The following MLKL variants were observed in gnomAD, a reference collection of about 807,000 sequenced individuals.
MLKL encodes mixed lineage kinase domain like pseudokinase.
In MLKL, 55 loss-of-function variants were observed where a neutral mutation model predicts 56.5. That is an observed-to-expected ratio of 0.97 (90% CI 0.78 to 1.22). The LOEUF (loss-of-function observed/expected upper bound fraction) is 1.22, where lower values mean the gene tolerates loss of function less well. Ranked by LOEUF, MLKL falls within the 50% of genes most tolerant of loss-of-function variation. MLKL has a pLI of 0.00. For synonymous variants in MLKL, 251 were observed against 208.3 expected, an observed-to-expected ratio of 1.20 and a Z score of -1.76; for missense variants, 694 against 573.9, an observed-to-expected ratio of 1.21 and a Z score of -2.14.
At chr16:74,686,216 C>A (rs943227048) in intron 4 of MLKL, among the ~76,000 whole-genome samples, 1 of 152,166 alleles carries the variant, frequency 6.6e-6, no homozygotes, top group African/African-American at 2.4e-5. Context: ...CCTGCCTACG[C>A]CTCCCAAAGT....
chr16:74,676,005 G>A, intron 7 of MLKL: 5 of 501,504 alleles, frequency 1.0e-5, no homozygotes, highest in South Asian at 2.9e-5. Flanking sequence ...GGCGATGACA[G>A]GGGGGATTAC....
Position 74,685,441 on chromosome 16 carries a change from T to C in MLKL, c.820+45A>G, listed in dbSNP as rs867796118. On this transcript the variant is annotated intron_variant, in intron 5 of 10. Transcript: ENST00000308807. ...AACACATTAAAACACAGGAGGTGTG[T>C]TCTAGGCCATCCAAAGCTTGACCAA... 2.2e-5 allele frequency: 32 copies of C among 1,444,176 alleles called. No individual in the cohort carries two copies. The Middle Eastern group carries it at 5.2e-4, about 23-fold the overall frequency. 89.5% of individuals were successfully genotyped at this position (1,444,176 alleles called of 1,614,324 possible). A position where few individuals can be genotyped will look rare whatever the true frequency, so the allele number is the denominator to read the frequency against.
chr16:74,695,198 C>A (rs1286270361), intron 2 of MLKL, 100 bp downstream of exon 2: 2 of 1,289,042 alleles, frequency 1.6e-6, no homozygotes, highest in Non-Finnish European at 1.1e-6. Context: ...AAGTATATTA[C>A]AACTGCTCAA....
intron 6 of MLKL, among the ~76,000 whole-genome samples, chr16:74,681,952 T>C (rs1436598857): frequency 6.6e-6 from 1 of 152,100 alleles, no homozygotes; most frequent in East Asian, 1.9e-4. Flanking sequence ...TAAATGTTTA[T>C]CCAAAATTTG....
At position 74,681,393 on chromosome 16, in the gene MLKL, T is replaced by A. The variant is rs79701692; in HGVS notation, c.956+1258A>T. Reference sequence around the variant, plus strand: ...GTTAAGTAAATAACACTGGTAGTAGTATAGTTAAAACCCTGCAGATGGTTT... The same window carrying A: ...GTTAAGTAAATAACACTGGTAGTAGAATAGTTAAAACCCTGCAGATGGTTT... On this transcript the variant is annotated intron_variant, in intron 6 of 10. Transcript: ENST00000308807. Among the ~76,000 whole-genome samples, 9 of 152,166 alleles carry A rather than the reference T, an allele frequency of 5.9e-5. No individual in the cohort carries two copies. The South Asian group carries it at 1.7e-3, about 28-fold the overall frequency.
At chr16:74,681,512 G>A (rs549183443) in intron 6 of MLKL, among the ~76,000 whole-genome samples, 2 of 152,010 alleles carry the variant, frequency 1.3e-5, no homozygotes, top group East Asian at 3.9e-4. Flanking sequence ...CACAAGACAC[G>A]GCCGGGCGCG....
intron 2 of MLKL, among the ~76,000 whole-genome samples, chr16:74,693,562 G>C (rs1960821907): frequency 6.6e-6 from 1 of 150,670 alleles, no homozygotes; most frequent in South Asian, 2.1e-4. Flanking sequence ...GAATATACTT[G>C]ATGCCACTGA....
At chr16:74,685,957 T>C (rs1164231585) in intron 4 of MLKL, among the ~76,000 whole-genome samples, 1 of 151,542 alleles carries the variant, frequency 6.6e-6, no homozygotes, top group Non-Finnish European at 1.5e-5. Context: ...GATTGTGGTG[T>C]GTGTCTTTTT....
At chr16:74,700,280 C>T (rs1025244789) in intron 1 of MLKL, among the ~76,000 whole-genome samples, 173 bp downstream of exon 1, 1 of 151,894 alleles carries the variant, frequency 6.6e-6, no homozygotes, top group Non-Finnish European at 1.5e-5. Flanking sequence ...GAAGGTAGTG[C>T]GAGATCCGAG....
At position 74,673,066 on chromosome 16, in the gene MLKL, C is replaced by T. The variant is rs542422143; in HGVS notation, c.1382-528G>A. ...GGAGAGGAGAGATGACAGATGAGAC[C>T]CTCTCAGGTAGTGTGAGAGGTTTTC... is the stretch of plus-strand genomic sequence containing the variant. On this transcript the variant is annotated intron_variant, in intron 10 of 10. Coordinates refer to ENST00000308807, the MANE Select transcript of MLKL (RefSeq NM_152649.4). 1.2e-4 allele frequency among the ~76,000 whole-genome samples: 19 copies of T among 152,224 alleles called. No homozygotes were observed. The South Asian group carries it at 3.5e-3, about 28-fold the overall frequency.
rs137960819 is a variant in MLKL at position 74,694,935 on chromosome 16, C to T, written c.460+363G>A. ...TCGCCCAGGCTGGAGTGCAGTGGCG[C>T]GATCTCAGCTCACTGCAAGCTCTGC... On this transcript the variant is annotated intron_variant, in intron 2 of 10. Transcript: ENST00000308807. 1.0e-3 allele frequency among the ~76,000 whole-genome samples: 155 copies of T among 152,228 alleles called. 1 individual carries two copies. Among genetic ancestry groups the T allele is most frequent in the Admixed American group, 8.2e-3 (125 of 15,282 alleles).
rs1448240299 is a variant in MLKL at position 74,691,202 on chromosome 16, A to G, written c.722+75T>C. The G allele has an allele frequency of 8.6e-6, 12 of 1,391,336 alleles. No individual in the cohort carries two copies. In the African/African-American group the frequency reaches 1.5e-4, roughly 17 times the overall value. 86.2% of individuals were successfully genotyped at this position (1,391,336 alleles called of 1,614,324 possible). ...CCCAGGCTTCCTCATCTAAAAATGG[A>G]GACGATATCCCTCTCTCCTTGGAGA... On this transcript the variant is annotated intron_variant, in intron 4 of 10. Coordinates refer to ENST00000308807, the MANE Select transcript of MLKL (RefSeq NM_152649.4).
chr16:74,683,477 T>C lies in MLKL; in HGVS notation c.821-691A>G, dbSNP rs913707641. ...CAGGTGTGGTGGGACATGCCTGTAG[T>C]CCCAGCTATTAGGGAGGCTGAGGCA... On this transcript the variant is annotated intron_variant, in intron 5 of 10. Coordinates refer to ENST00000308807, the MANE Select transcript of MLKL (RefSeq NM_152649.4). 2.7e-4 allele frequency among the ~76,000 whole-genome samples: 41 copies of C among 150,576 alleles called. 2 individuals carry two copies. Among genetic ancestry groups the C allele is most frequent in the Non-Finnish European group, 7.4e-5 (5 of 67,850 alleles).
At chr16:74,688,607 G>A (rs991835973) in intron 4 of MLKL, among the ~76,000 whole-genome samples, 3 of 152,088 alleles carry the variant, frequency 2.0e-5, no homozygotes, top group Non-Finnish European at 1.5e-5. Flanking sequence ...CCAGCTACTC[G>A]GGAGGCTGAG....
rs753876998 is a variant in MLKL, at chr16:74,675,369, T to G, written c.1226A>C (p.Asp409Ala). The G allele has an allele frequency of 1.2e-6, 2 of 1,614,094 alleles. No individual in the cohort carries two copies. The highest frequency in any genetic ancestry group is 3.3e-5 in the Admixed American group (2 of 60,000). ...ACATTCTTCACCTTGAAACGGGATA[T>G]CTCCAGTGGCGATTTCCCAGAGGAC... ...GIVLWEIATG[D>A]IPFQGCNSEK... is the part of the protein sequence containing the mutation. The change falls in exon 9 of 11, where the codon GAT becomes GCT. Residue 409 changes from aspartate (D) to alanine (A), a missense_variant. Physicochemically the swap from Asp to Ala is moderately radical, Grantham distance 126. Transcript: ENST00000308807.
chr16:74,693,985 A>G (rs1187726747), intron 2 of MLKL, among the ~76,000 whole-genome samples: 1 of 152,192 alleles, frequency 6.6e-6, no homozygotes, highest in East Asian at 1.9e-4. Flanking sequence ...TTGTTTTTGA[A>G]TTTGTGTGCT....
intron 2 of MLKL, among the ~76,000 whole-genome samples, chr16:74,695,014 A>T (rs1000162895): frequency 1.3e-5 from 2 of 152,106 alleles, no homozygotes; most frequent in Non-Finnish European, 1.5e-5. Flanking sequence ...CTGGGACTAC[A>T]GGCGCCCGCC....
chr16:74,697,446 AATG>A (rs1226998323), intron 1 of MLKL, among the ~76,000 whole-genome samples: 9 of 152,194 alleles, frequency 5.9e-5, no homozygotes, highest in African/African-American at 2.2e-4. Flanking sequence ...TTCAGCAATG[AATG>A]ATGATAATAA....
At chr16:74,677,097 G>A (rs1282955212) in intron 7 of MLKL, 1 of 152,144 alleles carries the variant, frequency 6.6e-6, no homozygotes, top group African/African-American at 2.4e-5. Flanking sequence ...CTGTCGCCCA[G>A]GTTGGAGAGC....
Sources: gnomAD v4.1 joint callset for allele counts (sites outside exome capture counted in the v4.1 genomes callset) on GRCh38, gnomAD v4.1.1 for gene constraint, MANE v1.5 for transcripts, NCBI Gene and HGNC (gene_info 2026-07-23, HGNC 2026-07-21) for gene names.